CDH13: variants seen among roughly 807,000 people sequenced by gnomAD.
The protein encoded by CDH13 is cadherin-13.
CDH13 carries 24 observed loss-of-function variants against 63.8 expected under a neutral mutation model. The observed-to-expected ratio is 0.38, with a 90% confidence interval of 0.27 to 0.53. CDH13 has a LOEUF of 0.53. Among genes scored for constraint, CDH13 ranks in the 20% least tolerant of loss-of-function variants. The pLI is 0.85. For synonymous variants in CDH13, 503 were observed against 355.3 expected, an observed-to-expected ratio of 1.42 and a Z score of -4.67; for missense variants, 1,049 against 903.1, an observed-to-expected ratio of 1.16 and a Z score of -2.07.
intron 4 of CDH13, among the ~76,000 whole-genome samples, chr16:83,201,713 T>G (rs368757477): frequency 1.3e-5 from 2 of 149,660 alleles, no homozygotes; most frequent in South Asian, 4.2e-4. Flanking sequence ...CCGGCTAACA[T>G]GGTGAAACCC....
rs559351999 is a variant in CDH13, at chr16:83,729,917, A to T, written c.1539-18191A>T. On this transcript the variant is annotated intron_variant, in intron 10 of 13. Coordinates refer to ENST00000567109, the MANE Select transcript of CDH13 (RefSeq NM_001257.5). ...GGTTTGGCACACAGGGCTTCATACAAAGAGGGGTTTTGAAGCTGACCTGGC... is the reference window on the plus strand; with the variant it reads ...GGTTTGGCACACAGGGCTTCATACATAGAGGGGTTTTGAAGCTGACCTGGC... 1.1e-3 allele frequency among the ~76,000 whole-genome samples: 172 copies of T among 152,340 alleles called. 1 individual carries two copies. The highest frequency in any genetic ancestry group is 3.8e-3 in the African/African-American group (159 of 41,588).
intron 5 of CDH13, among the ~76,000 whole-genome samples, chr16:83,270,654 C>T (rs775308959): frequency 6.6e-6 from 1 of 152,262 alleles, no homozygotes; most frequent in East Asian, 1.9e-4. Context: ...AGATTCAGCA[C>T]TCAATAACTC....
chr16:83,667,973 A>G (rs1914150948), intron 8 of CDH13, among the ~76,000 whole-genome samples: 1 of 152,062 alleles, frequency 6.6e-6, no homozygotes, highest in African/African-American at 2.4e-5. Flanking sequence ...CCCAAAATAA[A>G]TTTTTTAAAG....
intron 6 of CDH13, among the ~76,000 whole-genome samples, chr16:83,398,890 C>A (rs1366182292): frequency 1.3e-5 from 2 of 152,156 alleles, no homozygotes; most frequent in Non-Finnish European, 2.9e-5. Context: ...AAGTTGCTAA[C>A]CCTTAATTAT....
chr16:83,130,413 T>A (rs916777336), intron 4 of CDH13, among the ~76,000 whole-genome samples: 74 of 152,228 alleles, frequency 4.9e-4, no homozygotes, highest in African/African-American at 1.6e-3. Flanking sequence ...CTGAGAATAC[T>A]CTTCCGTGGA....
chr16:82,743,517 C>G (rs1347381396), intron 1 of CDH13, among the ~76,000 whole-genome samples: 1 of 152,204 alleles, frequency 6.6e-6, no homozygotes, highest in Non-Finnish European at 1.5e-5. Context: ...CTGCACCCAT[C>G]TACTAATACA....
At chr16:83,651,229 C>G (rs1430582979) in intron 8 of CDH13, among the ~76,000 whole-genome samples, 1 of 152,162 alleles carries the variant, frequency 6.6e-6, no homozygotes, top group African/African-American at 2.4e-5. Flanking sequence ...GACTAGGGTA[C>G]TGTAACAAAA....
intron 1 of CDH13, chr16:82,639,349 C>A (rs995497087): frequency 1.3e-6 from 2 of 1,529,836 alleles, no homozygotes; most frequent in Admixed American, 2.0e-5. Context: ...CATGTCCTTG[C>A]TTTTGACCAG....
chr16:83,085,164 C>T (rs1357524567), intron 3 of CDH13, among the ~76,000 whole-genome samples: 3 of 151,146 alleles, frequency 2.0e-5, no homozygotes, highest in African/African-American at 7.3e-5. Flanking sequence ...CTGGGGAGGC[C>T]CTAGAATCAT....
intron 5 of CDH13, among the ~76,000 whole-genome samples, chr16:83,337,692 G>A (rs909386742): frequency 4.3e-4 from 54 of 126,054 alleles, no homozygotes; most frequent in African/African-American, 1.6e-3. Context: ...GAACTATGTG[G>A]TAGCTAGGCT....
chr16:83,681,783 G>A (rs192941995), intron 10 of CDH13, among the ~76,000 whole-genome samples: 6 of 152,272 alleles, frequency 3.9e-5, no homozygotes, highest in Admixed American at 3.3e-4. Context: ...GGAGGAGTGG[G>A]GCTGCAGAGA....
At chr16:83,510,094 G>C (rs557560708) in intron 7 of CDH13, among the ~76,000 whole-genome samples, 69 of 152,322 alleles carry the variant, frequency 4.5e-4, no homozygotes, top group South Asian at 1.0e-3. Context: ...CCTGTGAATG[G>C]ATGGCTGAAA....
At chr16:83,519,311 A>C (rs537828067) in intron 7 of CDH13, among the ~76,000 whole-genome samples, 20 of 152,328 alleles carry the variant, frequency 1.3e-4, no homozygotes, top group African/African-American at 4.6e-4. Context: ...AAGGGCCTTT[A>C]TCAGGAAAAC....
chr16:83,499,438 G>C (rs2074220471), intron 7 of CDH13, among the ~76,000 whole-genome samples: 1 of 152,210 alleles, frequency 6.6e-6, no homozygotes, highest in African/African-American at 2.4e-5. Flanking sequence ...GCTTGAGTCT[G>C]AACTTTAACT....
chr16:83,117,151 C>T (rs934293053), intron 3 of CDH13, among the ~76,000 whole-genome samples: 1 of 152,214 alleles, frequency 6.6e-6, no homozygotes, highest in South Asian at 2.1e-4. Flanking sequence ...AACTGGACTC[C>T]TCAGCTCAAA....
chr16:83,420,326 T>C (rs1316587999), intron 6 of CDH13, among the ~76,000 whole-genome samples: 1 of 152,024 alleles, frequency 6.6e-6, no homozygotes, highest in African/African-American at 2.4e-5. Context: ...AGACACAAAT[T>C]TGGGAGATTC....
rs79870377 is a variant in CDH13, at chr16:83,748,643, T to C, written c.1681+393T>C. ...ATCACTGACCCTGACCATTGAATTGTTCTTGTAGCTTTTATCCTATTATGA... is the reference window on the plus strand; with the variant it reads ...ATCACTGACCCTGACCATTGAATTGCTCTTGTAGCTTTTATCCTATTATGA... On this transcript the variant is annotated intron_variant, in intron 11 of 13. Transcript: ENST00000567109. Among the ~76,000 whole-genome samples the C allele has an allele frequency of 6.7e-3, 1,013 of 152,308 alleles. 10 individuals are homozygous for C. The highest frequency in any genetic ancestry group is 0.024 in the African/African-American group (982 of 41,570).
chr16:83,612,116 T>C (rs1314513042), intron 8 of CDH13, among the ~76,000 whole-genome samples: 1 of 152,108 alleles, frequency 6.6e-6, no homozygotes, highest in Non-Finnish European at 1.5e-5. Context: ...TGATATGATA[T>C]CTATAATTAC....
rs1904346585 is a variant in CDH13, at chr16:83,240,715, A to C, written c.636+23218A>C. On this transcript the variant is annotated intron_variant, in intron 5 of 13. Coordinates refer to ENST00000567109, the MANE Select transcript of CDH13 (RefSeq NM_001257.5). Reference sequence around the variant, plus strand: ...ACATGACTTTAAATTTACTGTCTTAATCTTTTTTTTTTTTTTTTTTTTTTT... The same window carrying C: ...ACATGACTTTAAATTTACTGTCTTACTCTTTTTTTTTTTTTTTTTTTTTTT... 1.0e-4 allele frequency among the ~76,000 whole-genome samples: 5 copies of C among 49,520 alleles called. No homozygotes were observed. In the South Asian group the frequency reaches 4.3e-3, roughly 42 times the overall value. 32.5% of individuals were successfully genotyped at this position (49,520 alleles called of 152,430 possible).
Sources: allele counts gnomAD v4.1 joint callset (sites outside exome capture counted in the v4.1 genomes callset), GRCh38; gene constraint gnomAD v4.1.1; transcripts MANE v1.5; gene names NCBI Gene and HGNC (gene_info 2026-07-23, HGNC 2026-07-21).